Variants in KIF5B observed in about 807,000 individuals in gnomAD.
KIF5B encodes the protein kinesin family member 5B.
KIF5B carries 49 observed loss-of-function variants against 132.8 expected under a neutral mutation model. The observed-to-expected ratio is 0.37, with a 90% CI of 0.29 to 0.47. The LOEUF is 0.47. Ranked by LOEUF, KIF5B falls within the 20% of genes least tolerant of loss-of-function variation. The pLI is 1.00. For synonymous variants in KIF5B, 355 were observed against 369.4 expected, an observed-to-expected ratio of 0.96 and a Z score of 0.45; for missense variants, 780 against 1,144.0, an observed-to-expected ratio of 0.68 and a Z score of 4.59.
intron 2 of KIF5B, among the ~76,000 whole-genome samples, chr10:32,045,208 A>G (rs1429464263): frequency 6.6e-6 from 1 of 152,204 alleles, no homozygotes; most frequent in Non-Finnish European, 1.5e-5. Flanking sequence ...AGAACTCACG[A>G]GAACAGCATG....
chr10:32,038,301 C>G, intron 5 of KIF5B, 83 bp from the exon 6 acceptor site: 2 of 893,494 alleles, frequency 2.2e-6, no homozygotes. Flanking sequence ...CTTTCCTGAG[C>G]AGCCTAACAG....
chr10:32,038,948 CT>C (rs1841497595), intron 4 of KIF5B, 122 bp from the exon 5 acceptor site: 1 of 655,698 alleles, frequency 1.5e-6, no homozygotes, highest in African/African-American at 1.9e-5. Context: ...CCAGCCATAG[CT>C]CACATTCTAA....
In KIF5B at chr10:32,009,167, C is replaced by G. The variant is rs895855728; in HGVS notation, c.*2370G>C. On this transcript the variant is annotated 3_prime_UTR_variant, in exon 26 of 26. Coordinates refer to ENST00000302418, the MANE Select transcript of KIF5B (RefSeq NM_004521.3). ...AACATATTCCACAGGTAGACTCAGA[C>G]TCTCTTCTGTCACCTCATGTCAAAT... 1 of 152,096 alleles carries G rather than the reference C, an allele frequency of 6.6e-6. No individual in the cohort carries two copies. The highest frequency in any genetic ancestry group is 2.4e-5 in the African/African-American group (1 of 41,450). The allele number at this position is 152,096 out of a possible 1,614,324, so 9.4% of individuals were successfully genotyped here.
chr10:32,048,843 C>A lies in KIF5B; in HGVS notation c.127-292G>T, dbSNP rs1447252782. Among the ~76,000 whole-genome samples the A allele has an allele frequency of 2.6e-5, 4 of 152,138 alleles. No homozygotes were observed. In the East Asian group the frequency reaches 5.8e-4, roughly 22 times the overall value. On this transcript the variant is annotated intron_variant, in intron 1 of 25. Coordinates refer to ENST00000302418, the MANE Select transcript of KIF5B (RefSeq NM_004521.3). The stretch of plus-strand genomic sequence containing the variant: ...GCACTACTATGGCAGCCAAATATTG[C>A]TGAGTGATTTTTATTTTTTTAAATA...
At chr10:32,050,399 G>A (rs1356890560) in intron 1 of KIF5B, among the ~76,000 whole-genome samples, 2 of 152,166 alleles carry the variant, frequency 1.3e-5, no homozygotes, top group Non-Finnish European at 2.9e-5. Flanking sequence ...TCTGAGAAGG[G>A]TGTTGTTATC....
At chr10:32,036,848 C>A (rs915068904) in intron 8 of KIF5B, among the ~76,000 whole-genome samples, 15 of 151,946 alleles carry the variant, frequency 9.9e-5, no homozygotes, top group African/African-American at 3.6e-4. Flanking sequence ...AAACAATAAT[C>A]CAAAGGAAAG....
In KIF5B at chr10:32,018,147, T is replaced by C. The variant is rs772928299; in HGVS notation, c.2449A>G (p.Ile817Val). ...LATRVKKSAE[I>V]DSDDTGGSAA... Reference sequence around the variant, plus strand: ...CTGCCTCCGGTGTCATCAGAATCAATCTCAGCACTCTGAGAAAAGAAGGTA... The same window carrying C: ...CTGCCTCCGGTGTCATCAGAATCAACCTCAGCACTCTGAGAAAAGAAGGTA... Residue 817 changes from isoleucine to valine, a missense_variant, in exon 23 of 26, where the codon ATT becomes GTT. Physicochemically the swap from Ile to Val is conservative, Grantham distance 29. This residue lies in a region of KIF5B where 471 missense variants were observed against 569.9 expected (regional missense o/e 0.83). Coordinates refer to ENST00000302418, the MANE Select transcript of KIF5B (RefSeq NM_004521.3). The C allele has an allele frequency of 6.3e-7, 1 of 1,593,704 alleles. No individual in the cohort carries two copies. Among genetic ancestry groups the C allele is most frequent in the South Asian group, 1.1e-5 (1 of 87,732 alleles).
rs1448734074 is a variant in KIF5B at position 32,038,770 on chromosome 10, TA to T, written c.442+7del. ...TATTTAAAACTGATTAGCAAGAATT[TA>T]ACTTACCATCTAACAGGTCCCTTAT... On this transcript the variant is annotated splice_region_variant and intron_variant, in intron 5 of 25. Transcript: ENST00000302418. 1 of 1,390,220 alleles carries T rather than the reference TA, an allele frequency of 7.2e-7. No homozygotes were observed. The highest frequency in any genetic ancestry group is 1.0e-6 in the Non-Finnish European group (1 of 988,338). 86.1% of individuals were successfully genotyped at this position (1,390,220 alleles called of 1,614,324 possible).
intron 1 of KIF5B, among the ~76,000 whole-genome samples, chr10:32,052,765 A>T (rs535720485): frequency 6.6e-6 from 1 of 152,226 alleles, no homozygotes; most frequent in Non-Finnish European, 1.5e-5. Context: ...ACTTTCATAA[A>T]ATAATTCATT....
chr10:32,028,186 T>C (rs557512082), intron 15 of KIF5B, among the ~76,000 whole-genome samples: 1 of 152,066 alleles, frequency 6.6e-6, no homozygotes, highest in South Asian at 2.1e-4. Flanking sequence ...TTGGGGAAAA[T>C]GTTATAGTAA....
chr10:32,045,152 CTAT>C lies in KIF5B; in HGVS notation c.214+3309_214+3311del, dbSNP rs372338680. On this transcript the variant is annotated intron_variant, in intron 2 of 25. Transcript: ENST00000302418. ...ATTTTGAAAAACTCTGAGTATCAGC[CTAT>C]TATTAAGAGACTGTGTAACTAAGGA... Among the ~76,000 whole-genome samples, 354 of 152,058 alleles carry C rather than the reference CTAT, an allele frequency of 2.3e-3. 2 individuals carry two copies. The highest frequency in any genetic ancestry group is 0.017 in the Middle Eastern group (5 of 294).
In KIF5B at chr10:32,015,545, C is replaced by A. The variant is rs779191916; in HGVS notation, c.2876G>T (p.Gly959Val). ...TATAAACGATTACACTTGTTTGCCT[C>A]CTCCACCTCGCACTGCCACTGGCTG... ...NSQPVAVRGG[G>V]GKQV Residue 959 changes from glycine to valine, a missense_variant, in exon 25 of 26, where the codon GGA becomes GTA. Gly to Val is a moderately radical substitution (Grantham distance 109). Around this residue, in one of 9 missense-constraint regions of KIF5B, gnomAD observed 90 missense variants for 101.8 expected, o/e 0.88. Transcript: ENST00000302418. 2 of 1,611,862 alleles carry A rather than the reference C, an allele frequency of 1.2e-6. No homozygotes were observed. The highest frequency in any genetic ancestry group is 1.7e-6 in the Non-Finnish European group (2 of 1,178,962).
intron 11 of KIF5B, 76 bp downstream of exon 11, chr10:32,034,614 G>T: frequency 1.8e-6 from 2 of 1,094,344 alleles, no homozygotes; most frequent in Non-Finnish European, 2.5e-6. Flanking sequence ...TACTGATTTT[G>T]CTGAACTATT....
At chr10:32,021,350 A>C (rs1841256346) in intron 17 of KIF5B, 63 bp from the exon 18 acceptor site, 2 of 1,168,580 alleles carry the variant, frequency 1.7e-6, no homozygotes, top group African/African-American at 3.0e-5. Flanking sequence ...ATATAAACCA[A>C]GGAGCAAATG....
chr10:32,038,545 G>T (rs1276084651), intron 5 of KIF5B, among the ~76,000 whole-genome samples: 1 of 152,112 alleles, frequency 6.6e-6, no homozygotes, highest in Non-Finnish European at 1.5e-5. Flanking sequence ...CTCAGATTAT[G>T]TAACTCCCAG....
rs1333146361 is a variant in KIF5B at position 32,056,026 on chromosome 10, T to C, written c.-53A>G. On this transcript the variant is annotated 5_prime_UTR_variant, in exon 1 of 26. Coordinates refer to ENST00000302418, the MANE Select transcript of KIF5B (RefSeq NM_004521.3). ...GGAGCCACTCCCCGCCGCTCAGTCT[T>C]GCAGGGAACGCGCCGGACCTGAGGG... 1.3e-6 allele frequency: 2 copies of C among 1,594,710 alleles called. No individual in the cohort carries two copies. Among genetic ancestry groups the C allele is most frequent in the African/African-American group, 1.3e-5 (1 of 74,556 alleles).
intron 15 of KIF5B, among the ~76,000 whole-genome samples, chr10:32,026,133 G>A (rs563621049): frequency 6.6e-6 from 1 of 152,070 alleles, no homozygotes; most frequent in African/African-American, 2.4e-5. Flanking sequence ...ACTGTAAACT[G>A]TAACTTAAGA....
intron 1 of KIF5B, among the ~76,000 whole-genome samples, chr10:32,051,222 C>A (rs1156390163): frequency 6.6e-6 from 1 of 152,188 alleles, no homozygotes; most frequent in East Asian, 1.9e-4. Context: ...CCACGCCTGG[C>A]TAATTTTTGT....
chr10:32,021,939 T>A (rs1841269601), intron 17 of KIF5B, among the ~76,000 whole-genome samples: 1 of 152,098 alleles, frequency 6.6e-6, no homozygotes, highest in Non-Finnish European at 1.5e-5. Flanking sequence ...GCCACTGCAC[T>A]CCAGCCTGGG....
Sources: gnomAD v4.1 joint callset for allele counts (sites outside exome capture counted in the v4.1 genomes callset) on GRCh38, gnomAD v4.1.1 for gene constraint, gnomAD v4.1.1 regional missense constraint, MANE v1.5 for transcripts, NCBI Gene and HGNC (gene_info 2026-07-23, HGNC 2026-07-21) for gene names.